Variants in PLCZ1 observed in about 807,000 individuals in gnomAD.
PLCZ1 encodes 1-phosphatidylinositol 4,5-bisphosphate phosphodiesterase zeta-1.
Under a neutral mutation model 76.8 loss-of-function variants are expected in PLCZ1, and 64 were observed. The ratio of observed to expected loss-of-function variants is 0.83; its 90% CI spans 0.68 to 1.03. The LOEUF (loss-of-function observed/expected upper bound fraction) is 1.03, where lower values mean the gene tolerates loss of function less well. Among genes scored for constraint, PLCZ1 ranks in the 50% least tolerant of loss-of-function variants. PLCZ1 has a pLI of 0.00. For synonymous variants in PLCZ1, 248 were observed against 230.8 expected, an observed-to-expected ratio of 1.07 and a Z score of -0.68; for missense variants, 751 against 713.7, an observed-to-expected ratio of 1.05 and a Z score of -0.60.
intron 13 of PLCZ1, among the ~76,000 whole-genome samples, chr12:18,684,942 A>G (rs1952872097): frequency 1.3e-5 from 2 of 151,954 alleles, no homozygotes; most frequent in Non-Finnish European, 2.9e-5. Flanking sequence ...TCCTGCTGCC[A>G]CATGAAAAGG....
chr12:18,725,049 C>T (rs1335799014), intron 3 of PLCZ1, among the ~76,000 whole-genome samples: 1 of 151,958 alleles, frequency 6.6e-6, no homozygotes, highest in East Asian at 1.9e-4. Flanking sequence ...GATATAAGTC[C>T]AAACAAAATT....
chr12:18,672,918 C>G, the PLCZ1 span, among the ~76,000 whole-genome samples: 2 of 152,144 alleles, frequency 1.3e-5, no homozygotes, highest in Non-Finnish European at 2.9e-5. Context: ...GAGAAAATGT[C>G]TGGCTCAGGT....
chr12:18,660,153 G>C, the PLCZ1 span, among the ~76,000 whole-genome samples: 1 of 152,066 alleles, frequency 6.6e-6, no homozygotes, highest in Non-Finnish European at 1.5e-5. Flanking sequence ...GAGAGGACCT[G>C]GATAGTAAAT....
intron 12 of PLCZ1, among the ~76,000 whole-genome samples, chr12:18,690,954 T>C (rs1339139213): frequency 6.6e-6 from 1 of 152,124 alleles, no homozygotes; most frequent in East Asian, 1.9e-4. Context: ...GTATGCATGA[T>C]AATATTAGCA....
chr12:18,729,228 C>G (rs553649701), intron 3 of PLCZ1, among the ~76,000 whole-genome samples: 22 of 152,060 alleles, frequency 1.4e-4, no homozygotes, highest in African/African-American at 5.3e-4. Flanking sequence ...GTACTCCAGT[C>G]ATATTTGATT....
chr12:18,732,975 G>A (rs776761273), intron 3 of PLCZ1, among the ~76,000 whole-genome samples: 2 of 152,118 alleles, frequency 1.3e-5, no homozygotes, highest in Non-Finnish European at 2.9e-5. Flanking sequence ...TATATACCCA[G>A]AAATGGGATT....
chr12:18,663,530 A>G, the PLCZ1 span, among the ~76,000 whole-genome samples: 1 of 152,172 alleles, frequency 6.6e-6, no homozygotes, highest in Non-Finnish European at 1.5e-5. Flanking sequence ...GGATTTTGAT[A>G]TCCATAGGAG....
intron 3 of PLCZ1, among the ~76,000 whole-genome samples, chr12:18,732,318 A>G (rs1959096526): frequency 1.3e-5 from 2 of 151,988 alleles, no homozygotes; most frequent in Non-Finnish European, 2.9e-5. Context: ...GGCCCAGCTA[A>G]TTTTTTGTAC....
chr12:18,699,004 G>T (rs1269039708), intron 10 of PLCZ1, among the ~76,000 whole-genome samples: 1 of 152,148 alleles, frequency 6.6e-6, no homozygotes, highest in Non-Finnish European at 1.5e-5. Context: ...TCCCTTTTAA[G>T]TTTGGGACAT....
chr12:18,650,005 C>A, the PLCZ1 span, among the ~76,000 whole-genome samples: 2 of 152,032 alleles, frequency 1.3e-5, no homozygotes, highest in African/African-American at 4.8e-5. Flanking sequence ...ATGATCTCAT[C>A]TCTCAAGGCT....
chr12:18,665,805 C>T, the PLCZ1 span, among the ~76,000 whole-genome samples: 395 of 151,900 alleles, frequency 2.6e-3, no homozygotes, highest in Middle Eastern at 0.027. Context: ...CGTAGTGGTG[C>T]GCACCTGTAG....
At chr12:18,701,619 TCCTCCTC>T (rs1955935553) in intron 8 of PLCZ1, 51 bp from the exon 9 acceptor site, 3 of 1,007,474 alleles carry the variant, frequency 3.0e-6, no homozygotes, top group Non-Finnish European at 3.8e-6. Context: ...CTCCTCCTCC[TCCTCCTC>T]CTCCTCCTCC....
the PLCZ1 span, among the ~76,000 whole-genome samples, chr12:18,675,029 A>G: frequency 1.4e-4 from 22 of 152,318 alleles, no homozygotes; most frequent in East Asian, 4.0e-3. Context: ...AGACGGCAAT[A>G]GTCTGTAACT....
At chr12:18,694,199 AT>A in intron 12 of PLCZ1, 3 of 633,928 alleles carry the variant, frequency 4.7e-6, no homozygotes, top group Non-Finnish European at 8.4e-6. Flanking sequence ...GTTCCCATTG[AT>A]TTTTATTAGC....
At chr12:18,721,458 T>C (rs1958429352) in intron 4 of PLCZ1, among the ~76,000 whole-genome samples, 1 of 152,038 alleles carries the variant, frequency 6.6e-6, no homozygotes. Flanking sequence ...AGGAAATGGA[T>C]GAACAGTATA....
chr12:18,719,915 T>C (rs1023999062), intron 4 of PLCZ1, among the ~76,000 whole-genome samples: 3 of 152,072 alleles, frequency 2.0e-5, no homozygotes, highest in Admixed American at 1.3e-4. Context: ...TATGGACCAA[T>C]GAACTTCGAC....
At chr12:18,690,757 C>T (rs1953945090) in intron 12 of PLCZ1, among the ~76,000 whole-genome samples, 1 of 151,986 alleles carries the variant, frequency 6.6e-6, no homozygotes, top group African/African-American at 2.4e-5. Context: ...GCAGGTAAGG[C>T]TGAAAGAATG....
chr12:18,699,896 C>G lies in PLCZ1; in HGVS notation c.1072G>C (p.Ala358Pro). 1 of 1,612,608 alleles carries G rather than the reference C, an allele frequency of 6.2e-7. No homozygotes were observed. Among genetic ancestry groups the G allele is most frequent in the Non-Finnish European group, 8.5e-7 (1 of 1,179,426 alleles). Residue 358 changes from alanine to proline, a missense_variant, in exon 10 of 15, where the codon GCT (alanine) becomes CCT (proline). Ala to Pro is a conservative substitution (Grantham distance 27). Transcript: ENST00000266505. ...TGTTGAAAGCTTTTGAATTTCTCAG[C>G]TTTCGTATAAATGACAAGATCAGAT... ...ALSDLVIYTK[A>P]EKFKSFQHSR...
At chr12:18,734,814 A>T (rs1030014091) in intron 3 of PLCZ1, among the ~76,000 whole-genome samples, 1 of 152,204 alleles carries the variant, frequency 6.6e-6, no homozygotes, top group Admixed American at 6.5e-5. Flanking sequence ...CTTGAACAGA[A>T]GTGGTGAGAG....
Sources: allele counts gnomAD v4.1 joint callset (sites outside exome capture counted in the v4.1 genomes callset), GRCh38; gene constraint gnomAD v4.1.1; transcripts MANE v1.5; gene names NCBI Gene and HGNC (gene_info 2026-07-23, HGNC 2026-07-21).